VEPH1: variants seen among roughly 807,000 people sequenced by gnomAD.
The protein encoded by VEPH1 is ventricular zone-expressed PH domain-containing protein homolog 1.
Under a neutral mutation model 85.2 loss-of-function variants are expected in VEPH1, and 80 were observed. That is an observed-to-expected ratio of 0.94 (90% CI 0.78 to 1.13). The LOEUF is 1.13. VEPH1 is among the 50% of genes most tolerant of loss of function. The pLI is 0.00. For missense variants in VEPH1, 955 were observed against 980.5 expected (o/e 0.97, Z 0.35); for synonymous variants, 297 against 348.0 (o/e 0.85, Z 1.63).
chr3:157,418,256 C>A (rs141350113), intron 5 of VEPH1, among the ~76,000 whole-genome samples: 1 of 152,122 alleles, frequency 6.6e-6, no homozygotes, highest in African/African-American at 2.4e-5. Flanking sequence ...GGGCAGCAAC[C>A]CTGAATTCCC....
Position 157,286,635 on chromosome 3 carries a change from A to G in VEPH1, c.2050T>C (p.Phe684Leu), listed in dbSNP as rs1229237732. ...TCACTGAAGCCAAACACGTCAAAGA[A>G]CCTCACTTCTTCCAGATGGAGCTGT... is the stretch of plus-strand genomic sequence containing the variant. ...QVQLHLEEVR[F>L]FDVFGFSETA... The change falls in exon 12 of 14, where the codon TTC (phenylalanine) becomes CTC (leucine). Residue 684 changes from phenylalanine (F) to leucine (L), a missense_variant. Transcript: ENST00000362010. The G allele has an allele frequency of 3.7e-6, 6 of 1,614,034 alleles. No individual in the cohort carries two copies. The highest frequency in any genetic ancestry group is 4.2e-6 in the Non-Finnish European group (5 of 1,179,970).
chr3:157,296,124 A>C (rs1364300060), intron 11 of VEPH1, among the ~76,000 whole-genome samples: 1 of 152,240 alleles, frequency 6.6e-6, no homozygotes, highest in East Asian at 1.9e-4. Context: ...GATAACATTT[A>C]GGTAAAAGTT....
chr3:157,278,600 A>G (rs1577220685), intron 12 of VEPH1, among the ~76,000 whole-genome samples: 1 of 152,156 alleles, frequency 6.6e-6, no homozygotes, highest in African/African-American at 2.4e-5. Flanking sequence ...TGGGAGGGAG[A>G]TTGGAAGGGT....
rs569439939 is a variant in VEPH1, at chr3:157,327,643, G to C, written c.1736-10442C>G. 4.0e-3 allele frequency among the ~76,000 whole-genome samples: 607 copies of C among 152,240 alleles called. 2 individuals are homozygous for C. The highest frequency in any genetic ancestry group is 7.2e-3 in the Admixed American group (110 of 15,286). On this transcript the variant is annotated intron_variant, in intron 9 of 13. Coordinates refer to ENST00000362010, the MANE Select transcript of VEPH1 (RefSeq NM_001167912.2). ...GCAAAGGGTAGAGGATGGGGAGTGA[G>C]CTGTAGGAGGACGTTGAGGGTTTGC... is the stretch of plus-strand genomic sequence containing the variant.
intron 3 of VEPH1, among the ~76,000 whole-genome samples, chr3:157,463,476 C>T (rs1433722251): frequency 6.6e-6 from 1 of 152,146 alleles, no homozygotes; most frequent in African/African-American, 2.4e-5. Flanking sequence ...TATCCTCTGA[C>T]GACTTCCCTG....
intron 2 of VEPH1, among the ~76,000 whole-genome samples, chr3:157,481,467 A>ACACACACAC (rs60293047): frequency 0.033 from 1,702 of 52,298 alleles, 11 homozygotes; most frequent in Non-Finnish European, 0.046. Flanking sequence ...CACACACACA[A>ACACACACAC]AAAAAAAAAA....
At chr3:157,313,811 T>A in intron 10 of VEPH1, 56 bp from the exon 11 acceptor site, 1 of 1,587,620 alleles carries the variant, frequency 6.3e-7, no homozygotes, top group South Asian at 1.1e-5. Context: ...CCAATAGTAT[T>A]GTTTGATTGA....
chr3:157,425,035 T>C (rs1186002163), intron 5 of VEPH1, among the ~76,000 whole-genome samples: 1 of 152,214 alleles, frequency 6.6e-6, no homozygotes, highest in Non-Finnish European at 1.5e-5. Context: ...AATGGTTTCA[T>C]GGGCAAGGCC....
At chr3:157,311,952 T>C (rs1273933398) in intron 11 of VEPH1, among the ~76,000 whole-genome samples, 2 of 152,220 alleles carry the variant, frequency 1.3e-5, no homozygotes, top group Non-Finnish European at 2.9e-5. Flanking sequence ...AGCCAAAAAG[T>C]AGTGATGCAA....
intron 9 of VEPH1, among the ~76,000 whole-genome samples, chr3:157,360,303 ATC>A (rs1725902060): frequency 6.6e-6 from 1 of 152,168 alleles, no homozygotes. Context: ...CTTCACACAT[ATC>A]TCTGTGCAAG....
chr3:157,265,564 G>A lies in VEPH1; in HGVS notation c.2227C>T (p.Leu743=). 2 of 1,613,230 alleles carry A rather than the reference G, an allele frequency of 1.2e-6. No homozygotes were observed. Among genetic ancestry groups the A allele is most frequent in the Non-Finnish European group, 8.5e-7 (1 of 1,179,412 alleles). The change falls in exon 13 of 14, where the codon CTG becomes TTG. Residue 743 remains leucine, a synonymous_variant. Coordinates refer to ENST00000362010, the MANE Select transcript of VEPH1 (RefSeq NM_001167912.2). ...TGAAACAGAAGTTGATTTCCAGCCA[G>A]TGTAAAATAGCGTGTTTTCCACCTT... The part of the protein sequence containing the change: ...IKRWKTRYFT[L]AGNQLLFQKG...
intron 12 of VEPH1, among the ~76,000 whole-genome samples, chr3:157,270,632 G>A (rs1714425114): frequency 6.6e-6 from 1 of 152,074 alleles, no homozygotes; most frequent in South Asian, 2.1e-4. Flanking sequence ...GAGCTGAGAA[G>A]ACCCACAGCA....
intron 7 of VEPH1, among the ~76,000 whole-genome samples, chr3:157,371,063 A>C (rs986652921): frequency 5.9e-5 from 9 of 152,220 alleles, no homozygotes; most frequent in African/African-American, 1.9e-4. Context: ...GCTGCTGCTT[A>C]ATGTGGACAT....
At chr3:157,449,230 T>C (rs1560071496) in intron 4 of VEPH1, among the ~76,000 whole-genome samples, 1 of 152,208 alleles carries the variant, frequency 6.6e-6, no homozygotes, top group Non-Finnish European at 1.5e-5. Context: ...ATAATTTTAG[T>C]TTAGTTGTTT....
At chr3:157,357,495 CT>C (rs147031944) in intron 9 of VEPH1, among the ~76,000 whole-genome samples, 1,981 of 143,640 alleles carry the variant, frequency 0.014, 24 homozygotes, top group African/African-American at 0.033. Flanking sequence ...TTGTAAGAAA[CT>C]TTTTTTTTTT....
chr3:157,311,212 TA>T (rs1268434226), intron 11 of VEPH1, among the ~76,000 whole-genome samples: 2 of 152,170 alleles, frequency 1.3e-5, no homozygotes, highest in African/African-American at 2.4e-5. Context: ...AAGATTCTAT[TA>T]AAAAGCAACC....
intron 6 of VEPH1, among the ~76,000 whole-genome samples, chr3:157,394,190 T>A (rs1382022437): frequency 6.6e-6 from 1 of 152,212 alleles, no homozygotes; most frequent in Non-Finnish European, 1.5e-5. Flanking sequence ...AAAATGTCAA[T>A]ACATGTGAAA....
chr3:157,299,831 G>T (rs2108449344), intron 11 of VEPH1, among the ~76,000 whole-genome samples: 1 of 152,286 alleles, frequency 6.6e-6, no homozygotes, highest in South Asian at 2.1e-4. Flanking sequence ...CATTCATTTT[G>T]TTTGGAGGGG....
At chr3:157,305,101 CTTTTTTTTTTT>C (rs139799192) in intron 11 of VEPH1, among the ~76,000 whole-genome samples, 6 of 77,818 alleles carry the variant, frequency 7.7e-5, no homozygotes, top group African/African-American at 2.2e-4. Flanking sequence ...ATCTATCTGT[CTTTTTTTTTTT>C]TTTTTTTTTT....
Sources: allele counts gnomAD v4.1 joint callset (sites outside exome capture counted in the v4.1 genomes callset), GRCh38; gene constraint gnomAD v4.1.1; transcripts MANE v1.5; gene names NCBI Gene and HGNC (gene_info 2026-07-23, HGNC 2026-07-21).